The following BMAL1 variants were observed in gnomAD, a reference collection of about 807,000 sequenced individuals.
BMAL1 encodes the protein basic helix-loop-helix ARNT like 1, also known as basic helix-loop-helix ARNT-like protein 1.
At chr11:13,365,282 A>AACACACAAACACACACACAC in the BMAL1 span, 1 of 181,120 alleles carries the variant, frequency 5.5e-6, no homozygotes, top group African/African-American at 2.5e-5. Context: ...GATATGCAGA[A>AACACACAAACACACACACAC]ACACACACAC....
chr11:13,281,662 A>G, the BMAL1 span, among the ~76,000 whole-genome samples: 2 of 152,106 alleles, frequency 1.3e-5, no homozygotes, highest in South Asian at 4.1e-4. Flanking sequence ...GACACGTGCC[A>G]TCACACCTGG....
chr11:13,345,175 C>G, the BMAL1 span, among the ~76,000 whole-genome samples: 74,536 of 152,110 alleles, frequency 0.49, 19,636 homozygotes, highest in Non-Finnish European at 0.61. Flanking sequence ...AGCTGTCACA[C>G]TAGGGGTAAC....
At chr11:13,284,216 ATATATATATATG>A in the BMAL1 span, among the ~76,000 whole-genome samples, 33 of 16,892 alleles carry the variant, frequency 2.0e-3, 5 homozygotes, top group South Asian at 0.05. Context: ...ATATGTGTAT[ATATATATATATG>A]TGTGTGTATA....
chr11:13,372,168 C>A, the BMAL1 span: 1 of 1,613,626 alleles, frequency 6.2e-7, no homozygotes, highest in Non-Finnish European at 8.5e-7. Flanking sequence ...TCTAGCAGAT[C>A]GAAAAAGCTT....
the BMAL1 span, among the ~76,000 whole-genome samples, chr11:13,314,888 C>G: frequency 6.6e-6 from 1 of 152,214 alleles, no homozygotes; most frequent in South Asian, 2.1e-4. Flanking sequence ...GGAAGAAGCT[C>G]TGACCCCAGG....
At chr11:13,314,271 A>ACACACT in the BMAL1 span, among the ~76,000 whole-genome samples, 2 of 146,478 alleles carry the variant, frequency 1.4e-5, no homozygotes, top group Admixed American at 1.4e-4. Flanking sequence ...ACACACACAC[A>ACACACT]CTCTGTCTCT....
the BMAL1 span, among the ~76,000 whole-genome samples, chr11:13,360,735 G>T: frequency 6.6e-6 from 1 of 152,294 alleles, no homozygotes; most frequent in African/African-American, 2.4e-5. Flanking sequence ...AAGATTTTAG[G>T]AAGGGACTGA....
the BMAL1 span, chr11:13,356,397 A>G: frequency 1.9e-6 from 1 of 528,658 alleles, no homozygotes; most frequent in Non-Finnish European, 3.6e-6. Flanking sequence ...ATGAGAGGTT[A>G]TATAGATATT....
the BMAL1 span, among the ~76,000 whole-genome samples, chr11:13,382,720 A>G: frequency 6.6e-6 from 1 of 152,216 alleles, no homozygotes; most frequent in Non-Finnish European, 1.5e-5. Flanking sequence ...TCAGTCCAGT[A>G]TAGGCTTAAA....
the BMAL1 span, among the ~76,000 whole-genome samples, chr11:13,352,690 C>T: frequency 6.6e-6 from 1 of 152,166 alleles, no homozygotes. Context: ...AGATGTTCAC[C>T]CCAGCAGTGC....
At chr11:13,361,258 T>G in the BMAL1 span, among the ~76,000 whole-genome samples, 23 of 152,332 alleles carry the variant, frequency 1.5e-4, no homozygotes, top group African/African-American at 5.1e-4. Flanking sequence ...CCTGTTGTCT[T>G]CCATGAAGAA....
At chr11:13,373,046 A>G in the BMAL1 span, among the ~76,000 whole-genome samples, 2 of 152,166 alleles carry the variant, frequency 1.3e-5, no homozygotes, top group African/African-American at 4.8e-5. Flanking sequence ...CTTGGAAGCA[A>G]TTATTTAGTC....
chr11:13,284,256 ATATATATATATTTT>A, the BMAL1 span, among the ~76,000 whole-genome samples: 33 of 25,026 alleles, frequency 1.3e-3, 2 homozygotes, highest in African/African-American at 5.9e-3. Flanking sequence ...ATATATATAT[ATATATATATATTTT>A]TTTTTTTAAT....
chr11:13,368,451 C>T, the BMAL1 span, among the ~76,000 whole-genome samples: 1 of 152,184 alleles, frequency 6.6e-6, no homozygotes, highest in Admixed American at 6.5e-5. Flanking sequence ...AAGGGCTGAA[C>T]CATGAAGACC....
chr11:13,341,048 C>T, the BMAL1 span, among the ~76,000 whole-genome samples: 1 of 152,224 alleles, frequency 6.6e-6, no homozygotes, highest in Non-Finnish European at 1.5e-5. Flanking sequence ...CCATCCTGCC[C>T]TGCCTCTCCT....
chr11:13,356,816 T>C, the BMAL1 span: 1 of 1,613,990 alleles, frequency 6.2e-7, no homozygotes. Context: ...AGCATCCTTA[T>C]AGCCATTTTC....
the BMAL1 span, among the ~76,000 whole-genome samples, chr11:13,344,286 A>G: frequency 3.3e-5 from 5 of 152,188 alleles, no homozygotes; most frequent in African/African-American, 7.2e-5. Context: ...ACTAATACAA[A>G]AAAAGCACGC....
the BMAL1 span, chr11:13,378,324 T>C: frequency 6.3e-7 from 1 of 1,591,288 alleles, no homozygotes; most frequent in Non-Finnish European, 8.5e-7. Flanking sequence ...ACTCTCAGAT[T>C]CCTTTGTTGT....
the BMAL1 span, among the ~76,000 whole-genome samples, chr11:13,290,298 A>T: frequency 6.6e-6 from 1 of 152,212 alleles, no homozygotes; most frequent in Non-Finnish European, 1.5e-5. Flanking sequence ...TAGCCATGTG[A>T]ATCTATTATC....
Sources: allele counts gnomAD v4.1 joint callset (sites outside exome capture counted in the v4.1 genomes callset), GRCh38; gene constraint gnomAD v4.1.1; transcripts MANE v1.5; gene names NCBI Gene and HGNC (gene_info 2026-07-23, HGNC 2026-07-21).